RPN2: variants seen among roughly 807,000 people sequenced by gnomAD.
RPN2 encodes the protein dolichyl-diphosphooligosaccharide--protein glycosyltransferase subunit 2.
Under a neutral mutation model 71.4 loss-of-function variants are expected in RPN2, and 29 were observed. That is an observed-to-expected ratio of 0.41 (90% CI 0.30 to 0.55). RPN2 has a LOEUF of 0.55. RPN2 is among the 20% of genes least tolerant of loss of function. RPN2 has a pLI of 0.35. For synonymous variants in RPN2, 308 were observed against 305.0 expected (o/e 1.01, Z -0.10); for missense variants, 726 against 774.1 (o/e 0.94, Z 0.74).
At position 37,213,781 on chromosome 20, in the gene RPN2, C is replaced by T; in HGVS notation, c.1008C>T (p.Phe336=). The change falls in exon 9 of 17, where the codon TTC becomes TTT. Residue 336 remains phenylalanine, a synonymous_variant. Coordinates refer to ENST00000237530, the MANE Select transcript of RPN2 (RefSeq NM_002951.5). ...ACAGGGATGTTTTTGAACTAAATTT[C>T]ATGAACGTCAAATTTTCCAGTGGTT... ...TPVGDVFELN[F]MNVKFSSGYY... is the part of the protein sequence containing the mutation. 6.2e-7 allele frequency: 1 copy of T among 1,613,946 alleles called. No homozygotes were observed.
At position 37,234,219 on chromosome 20, in the gene RPN2, T is replaced by G. The variant is rs1035520730; in HGVS notation, c.1753+124T>G. ...ATGACTTAATAGCATTACATTTCCC[T>G]CTTCCTCCTGGCCTTTTAGGACAGT... is the stretch of plus-strand genomic sequence containing the variant. On this transcript the variant is annotated intron_variant, in intron 15 of 16. Transcript: ENST00000237530. 5 of 955,502 alleles carry G rather than the reference T, an allele frequency of 5.2e-6. No homozygotes were observed. The African/African-American group carries it at 6.5e-5, about 12-fold the overall frequency. The allele number at this position is 955,502 out of a possible 1,614,324, so 59.2% of individuals were successfully genotyped here.
chr20:37,221,152 C>T (rs535402750), intron 9 of RPN2, among the ~76,000 whole-genome samples: 1 of 152,122 alleles, frequency 6.6e-6, no homozygotes, highest in South Asian at 2.1e-4. Flanking sequence ...CTGATAGCTT[C>T]CTTATCACTA....
Position 37,179,386 on chromosome 20 carries a change from G to GTCTTATA in RPN2, c.13+17_13+18insTCTTATA, listed in dbSNP as rs868249284. 3.4e-6 allele frequency: 1 copy of GTCTTATA among 292,438 alleles called. No homozygotes were observed. 18.1% of individuals were successfully genotyped at this position (292,438 alleles called of 1,614,324 possible). A position where few individuals can be genotyped will look rare whatever the true frequency, so the allele number is the denominator to read the frequency against. On this transcript the variant is annotated intron_variant, in intron 1 of 16. Transcript: ENST00000237530. ...CGCCGCCGGGTGAGGAGTTGCGCGT[G>GTCTTATA]GCTTTGGGGAGAGGGCTGTCGCCCG... is the stretch of plus-strand genomic sequence containing the variant.
intron 14 of RPN2, 75 bp downstream of exon 14, chr20:37,232,466 CTG>C: frequency 1.9e-6 from 3 of 1,542,638 alleles, no homozygotes; most frequent in Non-Finnish European, 2.7e-6. Flanking sequence ...CCAAAGGAGG[CTG>C]TGTTGTCTGG....
At chr20:37,200,639 C>G in intron 4 of RPN2, 1 of 385,910 alleles carries the variant, frequency 2.6e-6, no homozygotes, top group South Asian at 2.0e-5. Context: ...TTGACATTCC[C>G]TCTCTGTCCC....
At position 37,210,114 on chromosome 20, in the gene RPN2, C is replaced by T. The variant is rs371734476; in HGVS notation, c.935C>T (p.Ser312Phe). The change falls in exon 8 of 17, where the codon TCT (serine) becomes TTT (phenylalanine). Residue 312 changes from serine (S) to phenylalanine (F), a missense_variant. Physicochemically the swap from Ser to Phe is radical, Grantham distance 155. Coordinates refer to ENST00000237530, the MANE Select transcript of RPN2 (RefSeq NM_002951.5). ...QATVKLEHAK[S>F]VASRATVLQK... ...ACTGTTAAACTAGAACATGCTAAAT[C>T]TGTTGCTTCCAGAGCCACTGTCCTC... 2 of 1,614,172 alleles carry T rather than the reference C, an allele frequency of 1.2e-6. No homozygotes were observed. Among genetic ancestry groups the T allele is most frequent in the Non-Finnish European group, 1.7e-6 (2 of 1,180,026 alleles).
chr20:37,220,667 G>A (rs953199086), intron 9 of RPN2, among the ~76,000 whole-genome samples: 11 of 152,244 alleles, frequency 7.2e-5, no homozygotes, highest in South Asian at 2.1e-4. Flanking sequence ...TTATAAAAAC[G>A]AATCCTGCAT....
rs747754200 is a variant in RPN2 at position 37,241,398 on chromosome 20, GA to G, written c.*93del. The stretch of plus-strand genomic sequence containing the variant: ...AATTCACAGTATGAGAAGAAAAATG[GA>G]AAAAAAAAACTTTATTTAAAAAAGA... On this transcript the variant is annotated 3_prime_UTR_variant, in exon 17 of 17. Coordinates refer to ENST00000237530, the MANE Select transcript of RPN2 (RefSeq NM_002951.5). 2.2e-4 allele frequency: 290 copies of G among 1,348,562 alleles called. No homozygotes were observed. Among genetic ancestry groups the G allele is most frequent in the Admixed American group, 2.9e-4 (13 of 44,384 alleles). 83.5% of individuals were successfully genotyped at this position (1,348,562 alleles called of 1,614,324 possible). A position where few individuals can be genotyped will look rare whatever the true frequency, so the allele number is the denominator to read the frequency against.
At chr20:37,200,769 G>T (rs2067370051) in intron 4 of RPN2, among the ~76,000 whole-genome samples, 1 of 152,066 alleles carries the variant, frequency 6.6e-6, no homozygotes, top group South Asian at 2.1e-4. Context: ...GACATATTTT[G>T]ATATCTGCTT....
At chr20:37,216,449 GTTTTC>G (rs1483628186) in intron 9 of RPN2, among the ~76,000 whole-genome samples, 1 of 151,022 alleles carries the variant, frequency 6.6e-6, no homozygotes, top group Non-Finnish European at 1.5e-5. Flanking sequence ...ATTCTCCAAT[GTTTTC>G]TTTTTTTATT....
rs370386367 is a variant in RPN2 at position 37,230,909 on chromosome 20, C to T, written c.1581+850C>T. On this transcript the variant is annotated intron_variant, in intron 13 of 16. Coordinates refer to ENST00000237530, the MANE Select transcript of RPN2 (RefSeq NM_002951.5). The stretch of plus-strand genomic sequence containing the variant: ...CAGCAGCTGCTATAGTGTTAGAAAT[C>T]CTTTAATGGCAGCGGCAGCAAAGAA... Among the ~76,000 whole-genome samples the T allele has an allele frequency of 9.9e-5, 15 of 152,010 alleles. No homozygotes were observed. In the South Asian group the frequency reaches 2.9e-3, roughly 30 times the overall value.
intron 2 of RPN2, among the ~76,000 whole-genome samples, 168 bp from the exon 3 acceptor site, chr20:37,198,229 A>G (rs2067295993): frequency 6.6e-6 from 1 of 152,228 alleles, no homozygotes; most frequent in Admixed American, 6.5e-5. Context: ...CGAAGTGAGC[A>G]ATTTTGGGTA....
chr20:37,204,374 C>T (rs1031387805), intron 5 of RPN2, among the ~76,000 whole-genome samples: 11 of 152,280 alleles, frequency 7.2e-5, no homozygotes, highest in Admixed American at 1.3e-4. Context: ...TTCTGGGAAA[C>T]GCTGTGCTTT....
At position 37,232,276 on chromosome 20, in the gene RPN2, C is replaced by A; in HGVS notation, c.1582-20C>A. On this transcript the variant is annotated intron_variant, in intron 13 of 16. Coordinates refer to ENST00000237530, the MANE Select transcript of RPN2 (RefSeq NM_002951.5). ...TGGGAAGGGCACATTCTTAAGTCTT[C>A]TTGGTGTGTCTTTCGGCAGCACCTG... 1 of 1,614,194 alleles carries A rather than the reference C, an allele frequency of 6.2e-7. No homozygotes were observed.
At chr20:37,217,354 G>A (rs1047034525) in intron 9 of RPN2, among the ~76,000 whole-genome samples, 29 of 151,534 alleles carry the variant, frequency 1.9e-4, no homozygotes, top group African/African-American at 7.0e-4. Context: ...ATGCAGTGGC[G>A]CAATCCCGGC....
chr20:37,207,617 C>T (rs1005034049), intron 7 of RPN2, among the ~76,000 whole-genome samples, 168 bp downstream of exon 7: 3 of 152,174 alleles, frequency 2.0e-5, no homozygotes, highest in Non-Finnish European at 2.9e-5. Flanking sequence ...CATGACCACT[C>T]GGTGAACTAG....
intron 2 of RPN2, among the ~76,000 whole-genome samples, chr20:37,196,013 G>A (rs148872040): frequency 2.0e-4 from 31 of 151,792 alleles, no homozygotes; most frequent in Non-Finnish European, 4.0e-4. Flanking sequence ...GAAAGGCAGC[G>A]TGCTGCCCTT....
chr20:37,223,288 A>G (rs893255378), intron 9 of RPN2, among the ~76,000 whole-genome samples: 4 of 152,238 alleles, frequency 2.6e-5, no homozygotes, highest in African/African-American at 9.6e-5. Flanking sequence ...AACTACCATG[A>G]CTGTCTAACA....
intron 8 of RPN2, among the ~76,000 whole-genome samples, chr20:37,211,857 C>A (rs2146615920): frequency 6.6e-6 from 1 of 152,082 alleles, no homozygotes; most frequent in African/African-American, 2.4e-5. Flanking sequence ...TCTGCCCCAG[C>A]CTCCTAAGTA....
Sources: gnomAD v4.1 joint callset for allele counts (sites outside exome capture counted in the v4.1 genomes callset) on GRCh38, gnomAD v4.1.1 for gene constraint, MANE v1.5 for transcripts, NCBI Gene and HGNC (gene_info 2026-07-23, HGNC 2026-07-21) for gene names.